PPM1L: variants seen among roughly 807,000 people sequenced by gnomAD.
PPM1L encodes the protein protein phosphatase, Mg2+/Mn2+ dependent 1L, also known as protein phosphatase 1L.
A neutral mutation model predicts 31.4 loss-of-function variants in PPM1L; 13 were observed. The observed-to-expected ratio is 0.41, with a 90% confidence interval of 0.27 to 0.66. The LOEUF (loss-of-function observed/expected upper bound fraction) is 0.66. Among genes scored for constraint, PPM1L ranks in the 30% least tolerant of loss-of-function variants. The probability of loss-of-function intolerance (pLI) is 0.29; values close to 1 mark genes in which losing one functional copy is unlikely to be tolerated. For missense variants in PPM1L, 326 were observed against 453.7 expected (o/e 0.72, Z 2.56); for synonymous variants, 184 against 175.4 (o/e 1.05, Z -0.39).
At chr3:160,992,978 C>A (rs954472614) in intron 2 of PPM1L, among the ~76,000 whole-genome samples, 19 of 152,074 alleles carry the variant, frequency 1.2e-4, no homozygotes, top group Admixed American at 1.3e-4. Context: ...TGAGCCATAA[C>A]CTGACTACTA....
chr3:160,897,073 T>C (rs2108050475), intron 1 of PPM1L, among the ~76,000 whole-genome samples: 1 of 149,846 alleles, frequency 6.7e-6, no homozygotes, highest in Non-Finnish European at 1.5e-5. Flanking sequence ...AGATGGAGTC[T>C]TGCTCTTTCA....
chr3:160,823,386 T>C (rs1713263575), intron 1 of PPM1L, among the ~76,000 whole-genome samples: 1 of 138,048 alleles, frequency 7.2e-6, no homozygotes, highest in South Asian at 2.3e-4. Context: ...TTTTTTTTTG[T>C]ATTTTTAGTA....
chr3:160,820,537 C>G (rs1713163357), intron 1 of PPM1L, among the ~76,000 whole-genome samples: 1 of 152,010 alleles, frequency 6.6e-6, no homozygotes, highest in Admixed American at 6.6e-5. Flanking sequence ...TTTAAATATG[C>G]TGCTTCTCAC....
chr3:161,022,225 TCTAAA>T (rs1238995721), intron 2 of PPM1L: 44 of 643,336 alleles, frequency 6.8e-5, no homozygotes, highest in African/African-American at 6.7e-4. Context: ...TCATATTAAT[TCTAAA>T]CTAATTTCGA....
intron 1 of PPM1L, among the ~76,000 whole-genome samples, chr3:160,924,709 A>G (rs963563881): frequency 1.3e-5 from 2 of 152,238 alleles, no homozygotes; most frequent in South Asian, 2.1e-4. Context: ...TCAATGTAAT[A>G]TATAGTACCT....
At chr3:160,853,163 G>A (rs569485809) in intron 1 of PPM1L, among the ~76,000 whole-genome samples, 48 of 152,088 alleles carry the variant, frequency 3.2e-4, no homozygotes, top group Non-Finnish European at 6.3e-4. Flanking sequence ...ATTGCATTTA[G>A]GGCCAAACTT....
At chr3:160,822,548 AG>A (rs1713230359) in intron 1 of PPM1L, among the ~76,000 whole-genome samples, 1 of 151,238 alleles carries the variant, frequency 6.6e-6, no homozygotes, top group East Asian at 1.9e-4. Context: ...GTTCTTTAAA[AG>A]TCTGTGTCTT....
At chr3:160,873,803 T>G (rs1414638185) in intron 1 of PPM1L, among the ~76,000 whole-genome samples, 1 of 152,118 alleles carries the variant, frequency 6.6e-6, no homozygotes, top group Non-Finnish European at 1.5e-5. Flanking sequence ...CCCCTCAGCC[T>G]CCCAGAGTTC....
chr3:160,811,200 C>T (rs1177070479), intron 1 of PPM1L, among the ~76,000 whole-genome samples: 1 of 152,208 alleles, frequency 6.6e-6, no homozygotes, highest in African/African-American at 2.4e-5. Flanking sequence ...AAGTACGGGG[C>T]CACTTTAAGA....
At chr3:161,012,565 A>G (rs1047585138) in intron 2 of PPM1L, among the ~76,000 whole-genome samples, 11 of 151,478 alleles carry the variant, frequency 7.3e-5, no homozygotes, top group Middle Eastern at 3.4e-3. Context: ...CTCTTTTTCT[A>G]TTGATTGGAA....
chr3:161,048,006 C>T (rs1719139089), intron 2 of PPM1L, among the ~76,000 whole-genome samples: 1 of 152,160 alleles, frequency 6.6e-6, no homozygotes, highest in Non-Finnish European at 1.5e-5. Flanking sequence ...CTAGGCAATA[C>T]CATTCAGGAC....
At chr3:161,067,031 C>A (rs545214526) in intron 3 of PPM1L, among the ~76,000 whole-genome samples, 11 of 152,270 alleles carry the variant, frequency 7.2e-5, no homozygotes, top group African/African-American at 2.4e-4. Flanking sequence ...GCAGTAGGAG[C>A]AAAGTTCTCT....
intron 2 of PPM1L, among the ~76,000 whole-genome samples, chr3:161,062,772 G>A (rs1719612308): frequency 6.6e-6 from 1 of 152,148 alleles, no homozygotes; most frequent in Non-Finnish European, 1.5e-5. Context: ...AAATGCGGCT[G>A]GGGAAGGGGC....
intron 2 of PPM1L, among the ~76,000 whole-genome samples, chr3:161,047,439 T>A (rs1719120924): frequency 2.0e-5 from 3 of 151,702 alleles, no homozygotes; most frequent in Non-Finnish European, 4.4e-5. Flanking sequence ...ATAAAAGAGG[T>A]TACAAACAAA....
At chr3:160,775,283 T>C (rs1047435949) in intron 1 of PPM1L, among the ~76,000 whole-genome samples, 2 of 152,244 alleles carry the variant, frequency 1.3e-5, no homozygotes, top group African/African-American at 4.8e-5. Flanking sequence ...TCCTTTGCTG[T>C]GTGCCAATAG....
At chr3:160,972,415 G>C (rs889249110) in intron 2 of PPM1L, among the ~76,000 whole-genome samples, 2 of 140,114 alleles carry the variant, frequency 1.4e-5, no homozygotes, top group African/African-American at 5.4e-5. Context: ...TGTTCTCATT[G>C]TTCATTTCCC....
At chr3:160,932,773 A>G (rs1331590876) in intron 1 of PPM1L, among the ~76,000 whole-genome samples, 1 of 152,196 alleles carries the variant, frequency 6.6e-6, no homozygotes, top group Non-Finnish European at 1.5e-5. Flanking sequence ...GGTCATGTAT[A>G]TTAGAAAAAC....
At chr3:160,953,194 TA>T (rs918374533) in intron 1 of PPM1L, among the ~76,000 whole-genome samples, 10 of 152,218 alleles carry the variant, frequency 6.6e-5, no homozygotes, top group Non-Finnish European at 1.3e-4. Context: ...AAGTTAATGA[TA>T]AATCCATTTC....
intron 1 of PPM1L, among the ~76,000 whole-genome samples, chr3:160,776,107 T>C (rs1208694559): frequency 6.6e-6 from 1 of 152,244 alleles, no homozygotes; most frequent in African/African-American, 2.4e-5. Context: ...ATTTGTTTCT[T>C]CTACATTAAC....
Sources: allele counts gnomAD v4.1 joint callset (sites outside exome capture counted in the v4.1 genomes callset), GRCh38; gene constraint gnomAD v4.1.1; transcripts MANE v1.5; gene names NCBI Gene and HGNC (gene_info 2026-07-23, HGNC 2026-07-21).